The following C16orf87 variants were observed in gnomAD, a reference collection of about 807,000 sequenced individuals.
C16orf87 encodes the protein HDAC and MIER1 interacting protein 1, also known as UPF0547 protein C16orf87.
Under a neutral mutation model 21.0 loss-of-function variants are expected in C16orf87, and 13 were observed. The ratio of observed to expected loss-of-function variants is 0.62; its 90% CI spans 0.40 to 0.98. C16orf87 has a LOEUF of 0.98. C16orf87 is among the 50% of genes least tolerant of loss of function. C16orf87 has a pLI of 0.00. For missense variants in C16orf87, 113 were observed against 180.4 expected, an observed-to-expected ratio of 0.63 and a Z score of 2.14; for synonymous variants, 49 against 60.2, an observed-to-expected ratio of 0.81 and a Z score of 0.86.
At chr16:46,831,011 C>A (rs1283710350) in intron 1 of C16orf87, 73 bp downstream of exon 1, 1 of 1,258,912 alleles carries the variant, frequency 7.9e-7, no homozygotes, top group South Asian at 1.4e-5. Flanking sequence ...GGGAGCCCGG[C>A]GAGGCCCCCC....
At chr16:46,807,177 A>G (rs752768456) in intron 3 of C16orf87, among the ~76,000 whole-genome samples, 2 of 152,250 alleles carry the variant, frequency 1.3e-5, no homozygotes, top group Non-Finnish European at 2.9e-5. Context: ...TGGCTCATGC[A>G]TGCCTGCAAT....
At chr16:46,803,753 T>C (rs1230079702) in intron 3 of C16orf87, among the ~76,000 whole-genome samples, 2 of 151,688 alleles carry the variant, frequency 1.3e-5, no homozygotes, top group African/African-American at 4.8e-5. Flanking sequence ...CTTTGCCCCA[T>C]ACACATTTTC....
chr16:46,803,789 T>C (rs534511183), intron 3 of C16orf87, among the ~76,000 whole-genome samples: 2 of 152,250 alleles, frequency 1.3e-5, no homozygotes, highest in East Asian at 3.9e-4. Flanking sequence ...ACTACTTTTT[T>C]TGTGACTTTT....
chr16:46,831,076 G>A lies in C16orf87; in HGVS notation c.66+8C>T. On this transcript the variant is annotated splice_region_variant and intron_variant, in intron 1 of 3. Coordinates refer to ENST00000285697, the MANE Select transcript of C16orf87 (RefSeq NM_001001436.4). ...CGCCCGCCCGCGCGCCCGGCCCCCG[G>A]CACCCACCTGTTGGTCGCACTCGGG... 1.3e-6 allele frequency: 2 copies of A among 1,561,570 alleles called. No individual in the cohort carries two copies. Among genetic ancestry groups the A allele is most frequent in the East Asian group, 2.5e-5 (1 of 39,772 alleles).
At position 46,817,266 on chromosome 16, in the gene C16orf87, C is replaced by T. The variant is rs146946983; in HGVS notation, c.163+7120G>A. Among the ~76,000 whole-genome samples, 8 of 152,220 alleles carry T rather than the reference C, an allele frequency of 5.3e-5. No homozygotes were observed. The East Asian group carries it at 1.5e-3, about 29-fold the overall frequency. On this transcript the variant is annotated intron_variant, in intron 2 of 3. Transcript: ENST00000285697. ...GAATGCAAAACAAAGGCACTCTCCACAACAGAAGATAGGAAATGCACATTA... is the reference window on the plus strand; with the variant it reads ...GAATGCAAAACAAAGGCACTCTCCATAACAGAAGATAGGAAATGCACATTA...
chr16:46,801,744 T>C lies in C16orf87; in HGVS notation c.*1208A>G, dbSNP rs1193867501. On this transcript the variant is annotated 3_prime_UTR_variant, in exon 4 of 4. Transcript: ENST00000285697. The stretch of plus-strand genomic sequence containing the variant: ...GGATGAAGTCTGAAATTGATAATGT[T>C]ACGGCTAAAATTGAAAGGGAGATTC... 1.3e-5 allele frequency: 2 copies of C among 152,186 alleles called. No individual in the cohort carries two copies. The highest frequency in any genetic ancestry group is 2.9e-5 in the Non-Finnish European group (2 of 68,028). The allele number at this position is 152,186 out of a possible 1,614,324, so 9.4% of individuals were successfully genotyped here. A position where few individuals can be genotyped will look rare whatever the true frequency, so the allele number is the denominator to read the frequency against.
At chr16:46,830,892 C>A (rs965082811) in intron 1 of C16orf87, 192 bp downstream of exon 1, 1 of 378,476 alleles carries the variant, frequency 2.6e-6, no homozygotes, top group Non-Finnish European at 4.7e-6. Context: ...TGGACGCTGG[C>A]GGGCCACGGC....
rs752095184 is a variant in C16orf87, at chr16:46,809,759, G to A, written c.190C>T (p.Arg64Ter). The change falls in exon 3 of 4, where the codon CGA (arginine) becomes TGA (stop). Residue 64 changes from arginine (R) to a stop codon, truncating the protein, a stop_gained. Coordinates refer to ENST00000285697, the MANE Select transcript of C16orf87 (RefSeq NM_001001436.4). LOFTEE classifies it high-confidence loss of function. ...TENKHEAKRRRTERVRREKIN... is the reference protein window; with the variant it reads ...TENKHEAKRR ...TTCTCTCTCCTAACTCTCTCTGTTC[G>A]CCTCCTCTTGGCCTCATGCTTGTTT... The A allele has an allele frequency of 3.1e-6, 5 of 1,607,102 alleles. No homozygotes were observed. The highest frequency in any genetic ancestry group is 4.3e-6 in the Non-Finnish European group (5 of 1,175,112).
In C16orf87 at chr16:46,803,042, A is replaced by G. The variant is rs1967823783; in HGVS notation, c.375T>C (p.Tyr125=). ...REKQEKEIDI[Y]ANLSDEKAFV... ...AAGCCTTTTCATCAGACAGGTTAGC[A>G]TAGATGTCAATTTCCTTTTCCTGTT... is the stretch of plus-strand genomic sequence containing the variant. The change falls in exon 4 of 4, where the codon TAT becomes TAC. Residue 125 remains tyrosine, a synonymous_variant. Transcript: ENST00000285697. The G allele has an allele frequency of 6.3e-7, 1 of 1,591,910 alleles. No homozygotes were observed. The highest frequency in any genetic ancestry group is 8.6e-7 in the Non-Finnish European group (1 of 1,163,890).
At chr16:46,804,889 GC>G (rs1967881535) in intron 3 of C16orf87, among the ~76,000 whole-genome samples, 1 of 152,156 alleles carries the variant, frequency 6.6e-6, no homozygotes, top group East Asian at 1.9e-4. Flanking sequence ...AGCTTATTTT[GC>G]TCAACATGTT....
chr16:46,818,855 A>G (rs1057088928), intron 2 of C16orf87, among the ~76,000 whole-genome samples: 1 of 152,154 alleles, frequency 6.6e-6, no homozygotes, highest in Non-Finnish European at 1.5e-5. Flanking sequence ...GAGGCAGAAA[A>G]ATAGGGTCTG....
At chr16:46,830,307 A>ATAGAGAGT (rs1555479578) in intron 1 of C16orf87, among the ~76,000 whole-genome samples, 2 of 109,142 alleles carry the variant, frequency 1.8e-5, no homozygotes, top group East Asian at 5.4e-4. Flanking sequence ...AGAGAGAGAG[A>ATAGAGAGT]GACACACAGA....
intron 3 of C16orf87, among the ~76,000 whole-genome samples, chr16:46,806,510 C>T (rs1967933456): frequency 1.3e-5 from 2 of 152,126 alleles, no homozygotes; most frequent in African/African-American, 4.8e-5. Flanking sequence ...CCACCAGCCT[C>T]GGCCTCCCAC....
chr16:46,816,807 G>A (rs1418550537), intron 2 of C16orf87, among the ~76,000 whole-genome samples: 1 of 152,104 alleles, frequency 6.6e-6, no homozygotes, highest in Non-Finnish European at 1.5e-5. Context: ...AACTGGGTAA[G>A]GTTTCCAGAA....
At position 46,820,657 on chromosome 16, in the gene C16orf87, C is replaced by T. The variant is rs113170835; in HGVS notation, c.163+3729G>A. ...CTATTATAAAGTGTTGCCTTGAAAA[C>T]CCTAGTAAATGCTTCATTGTGTATA... is the stretch of plus-strand genomic sequence containing the variant. On this transcript the variant is annotated intron_variant, in intron 2 of 3. Coordinates refer to ENST00000285697, the MANE Select transcript of C16orf87 (RefSeq NM_001001436.4). Among the ~76,000 whole-genome samples, 743 of 152,240 alleles carry T rather than the reference C, an allele frequency of 4.9e-3. 4 individuals carry two copies. The highest frequency in any genetic ancestry group is 0.017 in the African/African-American group (698 of 41,538).
At chr16:46,814,036 A>G (rs886694454) in intron 2 of C16orf87, among the ~76,000 whole-genome samples, 7 of 152,200 alleles carry the variant, frequency 4.6e-5, no homozygotes, top group African/African-American at 2.4e-5. Context: ...CCATTGAATG[A>G]GAAGAAACAT....
chr16:46,805,967 C>T (rs1247582873), intron 3 of C16orf87, among the ~76,000 whole-genome samples: 1 of 152,196 alleles, frequency 6.6e-6, no homozygotes, highest in Non-Finnish European at 1.5e-5. Context: ...TCAACAGACA[C>T]CTGGTGTTCC....
intron 2 of C16orf87, among the ~76,000 whole-genome samples, chr16:46,816,710 G>A (rs1232413788): frequency 6.6e-6 from 1 of 152,136 alleles, no homozygotes; most frequent in African/African-American, 2.4e-5. Flanking sequence ...TGTTAAAGAG[G>A]ACAATATGCC....
chr16:46,814,583 C>T (rs1259197500), intron 2 of C16orf87, among the ~76,000 whole-genome samples: 4 of 152,196 alleles, frequency 2.6e-5, no homozygotes, highest in Non-Finnish European at 2.9e-5. Context: ...CAATTATACA[C>T]TGAAGAGACC....
Sources: allele counts gnomAD v4.1 joint callset (sites outside exome capture counted in the v4.1 genomes callset), GRCh38; gene constraint gnomAD v4.1.1; transcripts MANE v1.5; gene names NCBI Gene and HGNC (gene_info 2026-07-23, HGNC 2026-07-21).